Variants in CWC22 observed in about 807,000 individuals in gnomAD.
CWC22 encodes CWC22 spliceosome associated protein.
A neutral mutation model predicts 117.2 loss-of-function variants in CWC22; 53 were observed. The ratio of observed to expected loss-of-function variants is 0.45; its 90% CI spans 0.36 to 0.57. The LOEUF (loss-of-function observed/expected upper bound fraction) is 0.57, where lower values mean the gene tolerates loss of function less well. Ranked by LOEUF, CWC22 falls within the 20% of genes least tolerant of loss-of-function variation. The pLI is 0.00. For missense variants in CWC22, 980 were observed against 1,068.8 expected, an observed-to-expected ratio of 0.92 and a Z score of 1.16; for synonymous variants, 360 against 355.6, an observed-to-expected ratio of 1.01 and a Z score of -0.14.
intron 13 of CWC22, among the ~76,000 whole-genome samples, chr2:179,961,716 A>T (rs1249486588): frequency 6.6e-6 from 1 of 152,022 alleles, no homozygotes; most frequent in East Asian, 1.9e-4. Flanking sequence ...GGAGAAAGCT[A>T]TATGACAGTC....
chr2:179,978,331 G>T lies in CWC22; in HGVS notation c.453-13C>A, dbSNP rs549435757. 3 of 1,445,628 alleles carry T rather than the reference G, an allele frequency of 2.1e-6. No individual in the cohort carries two copies. Among genetic ancestry groups the T allele is most frequent in the Non-Finnish European group, 2.7e-6 (3 of 1,101,378 alleles). 89.6% of individuals were successfully genotyped at this position (1,445,628 alleles called of 1,614,324 possible). ...CTGGTATGCTAAGCTAAAAAGAAGTGATTTTAATAAAGATTAAAACTTAAT... is the reference window on the plus strand; with the variant it reads ...CTGGTATGCTAAGCTAAAAAGAAGTTATTTTAATAAAGATTAAAACTTAAT... On this transcript the variant is annotated splice_polypyrimidine_tract_variant and intron_variant, in intron 5 of 19. Transcript: ENST00000410053.
intron 1 of CWC22, among the ~76,000 whole-genome samples, chr2:180,000,986 CA>C (rs1687832903): frequency 6.6e-6 from 1 of 152,188 alleles, no homozygotes; most frequent in Non-Finnish European, 1.5e-5. Context: ...GTGATCCAAT[CA>C]TTTGGAAATA....
chr2:179,950,465 A>G lies in CWC22; in HGVS notation c.2140+47T>C, dbSNP rs1224839948. The G allele has an allele frequency of 1.2e-5, 13 of 1,129,318 alleles. No homozygotes were observed. The South Asian group carries it at 1.2e-4, about 11-fold the overall frequency. The allele number at this position is 1,129,318 out of a possible 1,614,324, so 70.0% of individuals were successfully genotyped here. A position where few individuals can be genotyped will look rare whatever the true frequency, so the allele number is the denominator to read the frequency against. Reference sequence around the variant, plus strand: ...TTCTTCCTTCATATATATCAGCAACATATTTATTAGAAAAGAGCAAGCCAA... The same window carrying G: ...TTCTTCCTTCATATATATCAGCAACGTATTTATTAGAAAAGAGCAAGCCAA... On this transcript the variant is annotated intron_variant, in intron 19 of 19. Coordinates refer to ENST00000410053, the MANE Select transcript of CWC22 (RefSeq NM_020943.3).
intron 5 of CWC22, among the ~76,000 whole-genome samples, chr2:179,978,751 T>C (rs1687214513): frequency 6.6e-6 from 1 of 152,158 alleles, no homozygotes. Flanking sequence ...AAAAAAAATT[T>C]GTATGTCCCT....
In CWC22 at chr2:179,970,761, C is replaced by T. The variant is rs1553559988; in HGVS notation, c.1036G>A (p.Gly346Arg). ...AGGATAATGGGGTGGTCCTTGAATC[C>T]ATCTTTCCGTACAGCAAACATCACT... is the stretch of plus-strand genomic sequence containing the variant. ...IEVMFAVRKD[G>R]FKDHPIILEG... The change falls in exon 10 of 20, where the codon GGA becomes AGA. Residue 346 changes from glycine to arginine, a missense_variant. This residue lies in a region of CWC22 where 559 missense variants were observed against 602.3 expected (regional missense o/e 0.93). Coordinates refer to ENST00000410053, the MANE Select transcript of CWC22 (RefSeq NM_020943.3). The T allele has an allele frequency of 2.5e-6, 4 of 1,613,662 alleles. No homozygotes were observed. Among genetic ancestry groups the T allele is most frequent in the South Asian group, 2.2e-5 (2 of 91,068 alleles).
chr2:179,957,237 C>A (rs1686618076), intron 14 of CWC22, among the ~76,000 whole-genome samples: 1 of 151,872 alleles, frequency 6.6e-6, no homozygotes. Context: ...GGCCAGTGTA[C>A]AAACAAGCAC....
chr2:179,946,328 G>T (rs1224400689), intron 19 of CWC22, among the ~76,000 whole-genome samples: 1 of 151,578 alleles, frequency 6.6e-6, no homozygotes, highest in East Asian at 2.0e-4. Context: ...GCGTCAGCCT[G>T]TAGTCACAGC....
chr2:179,952,072 T>C (rs182718602), intron 17 of CWC22, among the ~76,000 whole-genome samples: 4 of 152,254 alleles, frequency 2.6e-5, no homozygotes, highest in Non-Finnish European at 4.4e-5. Flanking sequence ...AAGGCTCTAG[T>C]TCTATGTAAT....
chr2:179,954,508 C>T (rs1289796374), intron 15 of CWC22, among the ~76,000 whole-genome samples, 151 bp from the exon 16 acceptor site: 1 of 151,848 alleles, frequency 6.6e-6, no homozygotes, highest in African/African-American at 2.4e-5. Context: ...CCATATGATG[C>T]TCAAAAAAGA....
At chr2:179,979,236 A>C (rs1687227653) in intron 5 of CWC22, among the ~76,000 whole-genome samples, 1 of 151,660 alleles carries the variant, frequency 6.6e-6, no homozygotes, top group South Asian at 2.1e-4. Flanking sequence ...GAAACATGAG[A>C]AGAACAAAAG....
At chr2:179,947,239 G>C (rs1454075611) in intron 19 of CWC22, among the ~76,000 whole-genome samples, 1 of 152,096 alleles carries the variant, frequency 6.6e-6, no homozygotes, top group Non-Finnish European at 1.5e-5. Context: ...GGTACAGTCA[G>C]TTGGTTTGCC....
intron 14 of CWC22, among the ~76,000 whole-genome samples, chr2:179,957,261 T>A (rs1191458747): frequency 6.6e-6 from 1 of 152,138 alleles, no homozygotes; most frequent in Non-Finnish European, 1.5e-5. Flanking sequence ...ATTACTAATA[T>A]ACCAATAACA....
intron 1 of CWC22, among the ~76,000 whole-genome samples, chr2:180,002,956 T>C (rs1264143435): frequency 6.6e-6 from 1 of 152,202 alleles, no homozygotes; most frequent in Non-Finnish European, 1.5e-5. Context: ...CACTGCTACA[T>C]ATCCAGAACC....
chr2:179,995,302 C>T (rs140540808), intron 1 of CWC22, among the ~76,000 whole-genome samples: 30 of 152,204 alleles, frequency 2.0e-4, no homozygotes, highest in South Asian at 4.1e-4. Context: ...GAATAAGTTA[C>T]GTAAAACACT....
rs528593511 is a variant in CWC22 at position 179,946,274 on chromosome 2, AC to A, written c.2141-560del. ...AGACCAGCCTGGGTAACGTAGCGAA[AC>A]CCCTTCTCTACAAAAAATTCAAAAA... On this transcript the variant is annotated intron_variant, in intron 19 of 19. Coordinates refer to ENST00000410053, the MANE Select transcript of CWC22 (RefSeq NM_020943.3). Among the ~76,000 whole-genome samples the A allele has an allele frequency of 2.8e-3, 426 of 151,458 alleles. 5 individuals carry two copies. Among genetic ancestry groups the A allele is most frequent in the African/African-American group, 9.4e-3 (389 of 41,262 alleles).
intron 14 of CWC22, among the ~76,000 whole-genome samples, chr2:179,955,927 G>A (rs1022764814): frequency 4.4e-4 from 67 of 152,048 alleles, no homozygotes; most frequent in Non-Finnish European, 1.0e-4. Context: ...ATTCATCTAC[G>A]ATCAGTGTAA....
chr2:179,952,639 A>G, intron 16 of CWC22, 41 bp from the exon 17 acceptor site: 1 of 1,200,852 alleles, frequency 8.3e-7, no homozygotes, highest in Non-Finnish European at 1.1e-6. Flanking sequence ...ATTTTAATTT[A>G]TAAAAGACAG....
chr2:179,975,221 C>A (rs1687127001), intron 6 of CWC22, among the ~76,000 whole-genome samples: 1 of 152,198 alleles, frequency 6.6e-6, no homozygotes, highest in African/African-American at 2.4e-5. Flanking sequence ...TGATTCCCTT[C>A]TGCTTTTCTA....
At chr2:179,958,163 G>T (rs4893886) in intron 14 of CWC22, among the ~76,000 whole-genome samples, 126,756 of 151,622 alleles carry the variant, frequency 0.84, 53,085 homozygotes, top group African/African-American at 0.88. Flanking sequence ...AAACACCATC[G>T]CTATTAAAAA....
Sources: gnomAD v4.1 joint callset for allele counts (sites outside exome capture counted in the v4.1 genomes callset) on GRCh38, gnomAD v4.1.1 for gene constraint, gnomAD v4.1.1 regional missense constraint, MANE v1.5 for transcripts, NCBI Gene and HGNC (gene_info 2026-07-23, HGNC 2026-07-21) for gene names.